Variants in PTPMT1 observed in about 807,000 individuals in gnomAD.
PTPMT1 encodes the protein protein tyrosine phosphatase mitochondrial 1.
A neutral mutation model predicts 17.8 loss-of-function variants in PTPMT1; 12 were observed. The observed-to-expected ratio is 0.67, with a 90% CI of 0.43 to 1.09. The LOEUF is 1.09. Ranked by LOEUF, PTPMT1 falls within the 50% of genes least tolerant of loss-of-function variation. PTPMT1 has a pLI of 0.00. For synonymous variants in PTPMT1, 132 were observed against 116.8 expected, an observed-to-expected ratio of 1.13 and a Z score of -0.84; for missense variants, 262 against 266.0, an observed-to-expected ratio of 0.99 and a Z score of 0.10.
chr11:47,572,929 C>T lies in PTPMT1; in HGVS notation c.*1300C>T. ...GCAGTTCTCCTCCCCTCCCCACAGC[C>T]TTAGGCCAACACAAACTGCAAATTG... On this transcript the variant is annotated 3_prime_UTR_variant, in exon 4 of 4. Coordinates refer to ENST00000326674, the MANE Select transcript of PTPMT1 (RefSeq NM_175732.3). 6.2e-7 allele frequency: 1 copy of T among 1,611,470 alleles called. No homozygotes were observed. Among genetic ancestry groups the T allele is most frequent in the Non-Finnish European group, 8.5e-7 (1 of 1,178,304 alleles).
rs749957977 is a variant in PTPMT1, at chr11:47,565,712, G to A, written c.90G>A (p.Pro30=). Residue 30 remains proline, a synonymous_variant, in exon 1 of 4, where the codon CCG becomes CCA. Transcript: ENST00000326674. The stretch of plus-strand genomic sequence containing the variant: ...ACACCCTGTTCCGCGGGAAGGTGCC[G>A]GGTCGGGCGCACCGGGACTGGTACC... The part of the protein sequence containing the change: ...LLYTLFRGKV[P]GRAHRDWYHR... 1 of 1,574,628 alleles carries A rather than the reference G, an allele frequency of 6.4e-7. No homozygotes were observed.
chr11:47,566,012 C>T (rs751230299), intron 2 of PTPMT1, 26 bp downstream of exon 2: 92 of 1,401,582 alleles, frequency 6.6e-5, no homozygotes, highest in Non-Finnish European at 7.7e-5. Context: ...GAGGGGCAGG[C>T]TCGGGGGCCC....
intron 2 of PTPMT1, among the ~76,000 whole-genome samples, chr11:47,569,167 C>T (rs2097248073): frequency 6.6e-6 from 1 of 151,776 alleles, no homozygotes; most frequent in South Asian, 2.1e-4. Flanking sequence ...AGGCGGATGA[C>T]CTGAGGTCAG....
intron 2 of PTPMT1, among the ~76,000 whole-genome samples, chr11:47,566,234 G>C (rs1489516943): frequency 1.3e-5 from 2 of 152,174 alleles, no homozygotes; most frequent in Non-Finnish European, 2.9e-5. Context: ...CCAGCACTTT[G>C]GGAGGCGGGA....
chr11:47,573,383 C>T lies in PTPMT1; in HGVS notation c.*1754C>T. ...TGAGGTTGGCACCAGCAGCCCCTGA[C>T]ACAGCCACCTCTAGCTGAGTTGTCT... On this transcript the variant is annotated 3_prime_UTR_variant, in exon 4 of 4. Transcript: ENST00000326674. This position sits in a 1 kb window ranked among gnomAD's most constrained non-coding sequence, Gnocchi z 4.1. 1 of 1,614,252 alleles carries T rather than the reference C, an allele frequency of 6.2e-7. No homozygotes were observed. Among genetic ancestry groups the T allele is most frequent in the Non-Finnish European group, 8.5e-7 (1 of 1,180,044 alleles).
rs773358143 is a variant in PTPMT1, at chr11:47,572,922, C to T, written c.*1293C>T. ...GGAGTGAGCAGTTCTCCTCCCCTCC[C>T]CACAGCCTTAGGCCAACACAAACTG... On this transcript the variant is annotated 3_prime_UTR_variant, in exon 4 of 4. Transcript: ENST00000326674. The T allele has an allele frequency of 8.7e-6, 14 of 1,605,730 alleles. No homozygotes were observed. The highest frequency in any genetic ancestry group is 3.3e-4 in the Middle Eastern group (2 of 6,020).
chr11:47,570,358 A>G (rs1358877124), intron 3 of PTPMT1, among the ~76,000 whole-genome samples: 16 of 152,224 alleles, frequency 1.1e-4, no homozygotes, highest in Admixed American at 1.0e-3. Context: ...GTGACAGGGT[A>G]ACCTGGGGCT....
intron 3 of PTPMT1, among the ~76,000 whole-genome samples, chr11:47,570,570 T>A (rs1409701069): frequency 2.0e-5 from 3 of 152,204 alleles, no homozygotes; most frequent in Admixed American, 2.0e-4. Flanking sequence ...CAGGAAACAA[T>A]ATCATAGATA....
At chr11:47,566,568 G>A (rs1299419635) in intron 2 of PTPMT1, among the ~76,000 whole-genome samples, 6 of 150,898 alleles carry the variant, frequency 4.0e-5, no homozygotes, top group Non-Finnish European at 8.8e-5. Flanking sequence ...TTCTTATTTC[G>A]GTAACCAAAA....
At position 47,566,005 on chromosome 11, in the gene PTPMT1, G is replaced by A. The variant is rs781313784; in HGVS notation, c.255+19G>A. 3 of 1,460,096 alleles carry A rather than the reference G, an allele frequency of 2.1e-6. No individual in the cohort carries two copies. Among genetic ancestry groups the A allele is most frequent in the Non-Finnish European group, 2.7e-6 (3 of 1,114,324 alleles). The allele number at this position is 1,460,096 out of a possible 1,614,324, so 90.4% of individuals were successfully genotyped here. ...TTCACAGGTGAGGGACCGGGCCGAG[G>A]GGCAGGCTCGGGGGCCCGCTCCCCC... On this transcript the variant is annotated intron_variant, in intron 2 of 3. Transcript: ENST00000326674.
At chr11:47,571,329 A>G in intron 3 of PTPMT1, 142 bp from the exon 4 acceptor site, 1 of 665,358 alleles carries the variant, frequency 1.5e-6, no homozygotes, top group Non-Finnish European at 2.5e-6. Context: ...TTATAATACA[A>G]GCAGCATGAT....
chr11:47,573,134 G>A lies in PTPMT1; in HGVS notation c.*1505G>A, dbSNP rs1475762642. The A allele has an allele frequency of 6.2e-7, 1 of 1,614,210 alleles. No homozygotes were observed. Among genetic ancestry groups the A allele is most frequent in the Admixed American group, 1.7e-5 (1 of 60,032 alleles). ...AGGCCTCAGGAAGGCAAAGCCGGGT[G>A]AAGCTGTCTAGCAAGGGATTGTAGC... On this transcript the variant is annotated 3_prime_UTR_variant, in exon 4 of 4. Coordinates refer to ENST00000326674, the MANE Select transcript of PTPMT1 (RefSeq NM_175732.3). This position sits in a 1 kb window ranked among gnomAD's most constrained non-coding sequence, Gnocchi z 4.1.
At position 47,573,036 on chromosome 11, in the gene PTPMT1, T is replaced by C. The variant is rs2097252167; in HGVS notation, c.*1407T>C. On this transcript the variant is annotated 3_prime_UTR_variant, in exon 4 of 4. Coordinates refer to ENST00000326674, the MANE Select transcript of PTPMT1 (RefSeq NM_175732.3). This position sits in a 1 kb window ranked among gnomAD's most constrained non-coding sequence, Gnocchi z 4.1. Reference sequence around the variant, plus strand: ...CTTGTAGGTGTTGGCATCCCCCTTTTTATATCGGTCCCGGAAGACATAGAT... The same window carrying C: ...CTTGTAGGTGTTGGCATCCCCCTTTCTATATCGGTCCCGGAAGACATAGAT... 2 of 1,614,138 alleles carry C rather than the reference T, an allele frequency of 1.2e-6. No homozygotes were observed. The highest frequency in any genetic ancestry group is 1.7e-6 in the Non-Finnish European group (2 of 1,180,034).
chr11:47,566,489 C>CA (rs56146877), intron 2 of PTPMT1, among the ~76,000 whole-genome samples: 55,881 of 120,300 alleles, frequency 0.46, 12,961 homozygotes, highest in Non-Finnish European at 0.55. Context: ...AACAATGTCT[C>CA]AAAAAAAAAA....
At position 47,565,730 on chromosome 11, in the gene PTPMT1, C is replaced by T. The variant is rs1435295907; in HGVS notation, c.108C>T (p.Asp36=). ...RGKVPGRAHR[D]WYHRIDPTVL... ...AGGTGCCGGGTCGGGCGCACCGGGACTGGTACCACCGCATCGACCCCACCG... is the reference window on the plus strand; with the variant it reads ...AGGTGCCGGGTCGGGCGCACCGGGATTGGTACCACCGCATCGACCCCACCG... The change falls in exon 1 of 4, where the codon GAC becomes GAT. Residue 36 remains aspartate (D), a synonymous_variant. Coordinates refer to ENST00000326674, the MANE Select transcript of PTPMT1 (RefSeq NM_175732.3). 1.3e-6 allele frequency: 2 copies of T among 1,588,924 alleles called. No individual in the cohort carries two copies.
Position 47,573,403 on chromosome 11 carries a change from T to C in PTPMT1, c.*1774T>C. The stretch of plus-strand genomic sequence containing the variant: ...CCTGACACAGCCACCTCTAGCTGAG[T>C]TGTCTCTGTCCACACATTATCACCT... On this transcript the variant is annotated 3_prime_UTR_variant, in exon 4 of 4. Transcript: ENST00000326674. This position sits in a 1 kb window ranked among gnomAD's most constrained non-coding sequence, Gnocchi z 4.1. The C allele has an allele frequency of 1.2e-6, 2 of 1,614,094 alleles. No individual in the cohort carries two copies. Among genetic ancestry groups the C allele is most frequent in the Non-Finnish European group, 8.5e-7 (1 of 1,180,010 alleles).
chr11:47,566,965 A>G (rs1186740749), intron 2 of PTPMT1, among the ~76,000 whole-genome samples: 1 of 151,380 alleles, frequency 6.6e-6, no homozygotes, highest in African/African-American at 2.4e-5. Context: ...GAGCTATTTG[A>G]TTTTTTTTTA....
rs183747316 is a variant in PTPMT1, at chr11:47,570,720, T to A, written c.448-751T>A. Among the ~76,000 whole-genome samples the A allele has an allele frequency of 2.6e-5, 4 of 152,310 alleles. No homozygotes were observed. The East Asian group carries it at 7.7e-4, about 29-fold the overall frequency. On this transcript the variant is annotated intron_variant, in intron 3 of 3. Coordinates refer to ENST00000326674, the MANE Select transcript of PTPMT1 (RefSeq NM_175732.3). ...GTGTCATAATTGGCAGGTGGGATGC[T>A]TTAAAAATATTTAGGAGAAACAAAT... is the stretch of plus-strand genomic sequence containing the variant.
In PTPMT1 at chr11:47,572,272, C is replaced by A. The variant is rs1288991628; in HGVS notation, c.*643C>A. ...CTTAGAGCTTTTAAAAGAGCAGACA[C>A]CTTATATATTTGAGATTGAAAAAGT... On this transcript the variant is annotated 3_prime_UTR_variant, in exon 4 of 4. Coordinates refer to ENST00000326674, the MANE Select transcript of PTPMT1 (RefSeq NM_175732.3). 6 of 152,852 alleles carry A rather than the reference C, an allele frequency of 3.9e-5. No homozygotes were observed. 9.5% of individuals were successfully genotyped at this position (152,852 alleles called of 1,614,324 possible). A position where few individuals can be genotyped will look rare whatever the true frequency, so the allele number is the denominator to read the frequency against.
Sources: gnomAD v4.1 joint callset for allele counts (sites outside exome capture counted in the v4.1 genomes callset) on GRCh38, gnomAD v4.1.1 for gene constraint, Gnocchi (gnomAD v3.1) non-coding constraint, MANE v1.5 for transcripts, NCBI Gene and HGNC (gene_info 2026-07-23, HGNC 2026-07-21) for gene names.